Variants in SH3PXD2A observed in about 807,000 individuals in gnomAD.
The protein encoded by SH3PXD2A is SH3 and PX domains 2A.
Under a neutral mutation model 115.2 loss-of-function variants are expected in SH3PXD2A, and 32 were observed. The observed-to-expected ratio is 0.28, with a 90% CI of 0.21 to 0.37. The LOEUF is 0.37. Ranked by LOEUF, SH3PXD2A falls within the 10% of genes least tolerant of loss-of-function variation. The probability of loss-of-function intolerance (pLI) is 1.00; values close to 1 mark genes in which losing one functional copy is unlikely to be tolerated. For missense variants in SH3PXD2A, 1,328 were observed against 1,498.7 expected (o/e 0.89, Z 1.88); for synonymous variants, 610 against 629.1 (o/e 0.97, Z 0.45).
chr10:103,822,966 T>C (rs758076415), intron 1 of SH3PXD2A, among the ~76,000 whole-genome samples: 16 of 152,222 alleles, frequency 1.1e-4, no homozygotes, highest in Non-Finnish European at 1.6e-4. Context: ...GCTGAAGTTA[T>C]GAGGAAATAG....
intron 3 of SH3PXD2A, among the ~76,000 whole-genome samples, chr10:103,759,304 C>G (rs1162740470): frequency 6.6e-6 from 1 of 152,220 alleles, no homozygotes; most frequent in African/African-American, 2.4e-5. Context: ...AAAAATATAC[C>G]TCTAAGCTCA....
chr10:103,654,531 CTG>C (rs1424970251), intron 8 of SH3PXD2A, among the ~76,000 whole-genome samples: 1 of 152,226 alleles, frequency 6.6e-6, no homozygotes, highest in Non-Finnish European at 1.5e-5. Flanking sequence ...TGAGCACCCA[CTG>C]TGTGTCAGGC....
At chr10:103,787,452 CTT>C (rs2038991330) in intron 2 of SH3PXD2A, among the ~76,000 whole-genome samples, 1 of 152,262 alleles carries the variant, frequency 6.6e-6, no homozygotes, top group Admixed American at 6.5e-5. Flanking sequence ...GCCCCAGTCT[CTT>C]CTGTCTTGGT....
chr10:103,669,121 T>C (rs1008441608), intron 6 of SH3PXD2A, among the ~76,000 whole-genome samples: 2 of 152,166 alleles, frequency 1.3e-5, no homozygotes, highest in African/African-American at 4.8e-5. Flanking sequence ...AGGACCCATC[T>C]CTAGGCCTGG....
At chr10:103,789,035 C>T (rs1280675411) in intron 2 of SH3PXD2A, among the ~76,000 whole-genome samples, 1 of 152,156 alleles carries the variant, frequency 6.6e-6, no homozygotes, top group Non-Finnish European at 1.5e-5. Context: ...TGGCAGATTG[C>T]CTCCCAGAGG....
rs918956872 is a variant in SH3PXD2A, at chr10:103,620,532, C to T, written c.802+1938G>A. Among the ~76,000 whole-genome samples the T allele has an allele frequency of 2.6e-5, 4 of 152,162 alleles. No homozygotes were observed. The highest frequency in any genetic ancestry group is 9.7e-5 in the African/African-American group (4 of 41,438). ...GGCTGAGGGAACGGGGAGCGGAGGC[C>T]GTGGGGAAGCTCCGCTTTTCTCTTG... On this transcript the variant is annotated intron_variant, in intron 10 of 14. Transcript: ENST00000369774. This position sits in a 1 kb window ranked among gnomAD's most constrained non-coding sequence, Gnocchi z 5.3.
intron 3 of SH3PXD2A, among the ~76,000 whole-genome samples, chr10:103,759,263 A>T (rs116011606): frequency 1.2e-3 from 177 of 152,326 alleles, no homozygotes; most frequent in African/African-American, 3.8e-3. Flanking sequence ...CTGGCGAGTC[A>T]GTACAAAAGA....
At chr10:103,752,895 T>C (rs2038594959) in intron 3 of SH3PXD2A, among the ~76,000 whole-genome samples, 1 of 152,218 alleles carries the variant, frequency 6.6e-6, no homozygotes, top group Admixed American at 6.5e-5. Flanking sequence ...CATCTGCCAC[T>C]AGGTGGCTGG....
At chr10:103,712,269 A>G (rs2038055621) in intron 5 of SH3PXD2A, among the ~76,000 whole-genome samples, 1 of 152,150 alleles carries the variant, frequency 6.6e-6, no homozygotes, top group Admixed American at 6.5e-5. Context: ...TCTGGCTCTG[A>G]CCACTGAGCC....
intron 3 of SH3PXD2A, among the ~76,000 whole-genome samples, chr10:103,762,523 A>G (rs2134219152): frequency 6.6e-6 from 1 of 152,156 alleles, no homozygotes; most frequent in Middle Eastern, 3.4e-3. Flanking sequence ...TGCCCCCACC[A>G]CCACTCTTCA....
At chr10:103,795,951 G>GAAGA (rs1310571379) in intron 2 of SH3PXD2A, among the ~76,000 whole-genome samples, 86 of 148,406 alleles carry the variant, frequency 5.8e-4, no homozygotes, top group African/African-American at 1.8e-3. Context: ...AGGAAGGAAG[G>GAAGA]AAGGAAACCA....
At position 103,756,725 on chromosome 10, in the gene SH3PXD2A, T is replaced by G. The variant is rs2038645914; in HGVS notation, c.229+10369A>C. On this transcript the variant is annotated intron_variant, in intron 3 of 14. Transcript: ENST00000369774. The surrounding 1 kb of genome is among the most constrained non-coding windows in gnomAD (Gnocchi z 4.4). ...GCTGCCCAGACAGAGCTATGGGCAG[T>G]CATCCTCGACCCCACCCCACCACCT... Among the ~76,000 whole-genome samples, 1 of 152,102 alleles carries G rather than the reference T, an allele frequency of 6.6e-6. No individual in the cohort carries two copies. The highest frequency in any genetic ancestry group is 2.1e-4 in the South Asian group (1 of 4,818).
intron 1 of SH3PXD2A, among the ~76,000 whole-genome samples, chr10:103,843,953 A>G (rs574415794): frequency 6.6e-6 from 1 of 152,336 alleles, no homozygotes; most frequent in South Asian, 2.1e-4. Context: ...CTCCACCCAT[A>G]CATTCTCTAA....
Position 103,596,477 on chromosome 10 carries a change from T to G in SH3PXD2A, c.*5339A>C, listed in dbSNP as rs551547161. 6.5e-6 allele frequency: 1 copy of G among 152,674 alleles called. No individual in the cohort carries two copies. The highest frequency in any genetic ancestry group is 1.5e-5 in the Non-Finnish European group (1 of 67,994). 9.5% of individuals were successfully genotyped at this position (152,674 alleles called of 1,614,324 possible). A position where few individuals can be genotyped will look rare whatever the true frequency, so the allele number is the denominator to read the frequency against. ...ATTGCACTCTCCAGCCAGAATGATG[T>G]GTGTGAATGACACACTTGCTGCCAG... On this transcript the variant is annotated 3_prime_UTR_variant, in exon 15 of 15. Coordinates refer to ENST00000369774, the MANE Select transcript of SH3PXD2A (RefSeq NM_001394015.1).
chr10:103,803,320 T>G (rs534056432), intron 1 of SH3PXD2A, among the ~76,000 whole-genome samples: 1 of 152,326 alleles, frequency 6.6e-6, no homozygotes, highest in South Asian at 2.1e-4. Context: ...TTGGCTATTA[T>G]TATAATAAAT....
At position 103,602,845 on chromosome 10, in the gene SH3PXD2A, C is replaced by A. The variant is rs2036239624; in HGVS notation, c.2373G>T (p.Gly791=). The part of the protein sequence containing the change: ...QLRPTGQLRG[G]LKGSKSEDSE... ...AATCCTCACTCTTGGAGCCCTTGAGCCCTCCACGGAGCTGGCCTGTGGGTC... is the reference window on the plus strand; with the variant it reads ...AATCCTCACTCTTGGAGCCCTTGAGACCTCCACGGAGCTGGCCTGTGGGTC... The change falls in exon 15 of 15, where the codon GGG becomes GGT. Residue 791 remains glycine (G), a synonymous_variant. Transcript: ENST00000369774. The A allele has an allele frequency of 1.2e-6, 2 of 1,614,042 alleles. No homozygotes were observed. The highest frequency in any genetic ancestry group is 1.7e-5 in the Admixed American group (1 of 60,008).
intron 1 of SH3PXD2A, among the ~76,000 whole-genome samples, chr10:103,825,011 T>A (rs2039416236): frequency 6.6e-6 from 1 of 152,202 alleles, no homozygotes; most frequent in Non-Finnish European, 1.5e-5. Context: ...CAAGTTATCC[T>A]GGCTGGTCTT....
chr10:103,608,057 T>C (rs2036354057), intron 13 of SH3PXD2A, among the ~76,000 whole-genome samples: 1 of 149,962 alleles, frequency 6.7e-6, no homozygotes, highest in Non-Finnish European at 1.5e-5. Context: ...CAGAGACCTT[T>C]GTTCACTTGT....
chr10:103,607,176 C>G (rs7920727), intron 13 of SH3PXD2A, among the ~76,000 whole-genome samples: 126,410 of 148,838 alleles, frequency 0.85, 54,026 homozygotes, highest in East Asian at 1. Flanking sequence ...GAGCGCCTCT[C>G]CCCGGCCGCG....
Sources: allele counts gnomAD v4.1 joint callset (sites outside exome capture counted in the v4.1 genomes callset), GRCh38; gene constraint gnomAD v4.1.1; non-coding constraint Gnocchi (gnomAD v3.1); transcripts MANE v1.5; gene names NCBI Gene and HGNC (gene_info 2026-07-23, HGNC 2026-07-21).